PPP1R9A: variants seen among roughly 807,000 people sequenced by gnomAD.
The protein encoded by PPP1R9A is protein phosphatase 1 regulatory subunit 9A.
In PPP1R9A, 59 loss-of-function variants were observed where a neutral mutation model predicts 141.9. The ratio of observed to expected loss-of-function variants is 0.42; its 90% CI spans 0.34 to 0.52. PPP1R9A has a LOEUF of 0.52. Among genes scored for constraint, PPP1R9A ranks in the 20% least tolerant of loss-of-function variants. The pLI, the probability that PPP1R9A is intolerant of heterozygous loss-of-function variation, is 0.10. For synonymous variants in PPP1R9A, 500 were observed against 569.7 expected, an observed-to-expected ratio of 0.88 and a Z score of 1.74; for missense variants, 1,444 against 1,611.9, an observed-to-expected ratio of 0.90 and a Z score of 1.78.
chr7:95,203,619 C>G, intron 6 of PPP1R9A, 46 bp from the exon 7 acceptor site: 1 of 1,392,828 alleles, frequency 7.2e-7, no homozygotes, highest in Non-Finnish European at 9.8e-7. Context: ...CTGCTCTCTG[C>G]GGTGGGGGTT....
At chr7:95,165,721 G>A (rs961596708) in intron 5 of PPP1R9A, among the ~76,000 whole-genome samples, 4 of 152,206 alleles carry the variant, frequency 2.6e-5, no homozygotes, top group Non-Finnish European at 5.9e-5. Context: ...GGACTGGACT[G>A]TTAGTGAGGC....
In PPP1R9A at chr7:95,088,007, G is replaced by C. The variant is rs1049163974; in HGVS notation, c.1396-23252G>C. On this transcript the variant is annotated intron_variant, in intron 2 of 19. Coordinates refer to ENST00000433360, the MANE Select transcript of PPP1R9A (RefSeq NM_001166160.2). Reference sequence around the variant, plus strand: ...GAGATACCAGTAAGAGTGTGTCAGAGAGAAGATGGGAAATAAGAATTTTAA... The same window carrying C: ...GAGATACCAGTAAGAGTGTGTCAGACAGAAGATGGGAAATAAGAATTTTAA... 2.6e-5 allele frequency among the ~76,000 whole-genome samples: 4 copies of C among 151,760 alleles called. No individual in the cohort carries two copies. The South Asian group carries it at 6.2e-4, about 24-fold the overall frequency.
At chr7:95,272,293 T>C (rs1802332375) in intron 14 of PPP1R9A, among the ~76,000 whole-genome samples, 1 of 152,218 alleles carries the variant, frequency 6.6e-6, no homozygotes, top group African/African-American at 2.4e-5. Context: ...TCTGGAAGAA[T>C]TTGGCACTTT....
chr7:94,998,739 A>G (rs1269845408), intron 2 of PPP1R9A, among the ~76,000 whole-genome samples: 1 of 152,162 alleles, frequency 6.6e-6, no homozygotes, highest in Non-Finnish European at 1.5e-5. Flanking sequence ...CAAAAACTGT[A>G]TGAAGATGGC....
rs896584705 is a variant in PPP1R9A, at chr7:95,208,641, A to G, written c.1956+4911A>G. On this transcript the variant is annotated intron_variant, in intron 7 of 19. Transcript: ENST00000433360. ...TGGGAGGCTGAGGCAGGAGAATGGC[A>G]TGAACCTGGGAGGCAGAGCTTGCAG... Among the ~76,000 whole-genome samples, 11 of 151,786 alleles carry G rather than the reference A, an allele frequency of 7.2e-5. 1 individual carries two copies. Among genetic ancestry groups the G allele is most frequent in the South Asian group, 4.2e-4 (2 of 4,798 alleles).
intron 2 of PPP1R9A, among the ~76,000 whole-genome samples, chr7:94,956,880 C>A (rs10261753): frequency 0.61 from 92,056 of 151,988 alleles, 28,740 homozygotes; most frequent in East Asian, 1. Flanking sequence ...GTTTGGATTC[C>A]GAATTTTCAT....
At chr7:95,227,179 T>A (rs1258065716) in intron 8 of PPP1R9A, among the ~76,000 whole-genome samples, 1 of 152,210 alleles carries the variant, frequency 6.6e-6, no homozygotes, top group African/African-American at 2.4e-5. Flanking sequence ...AGTAGGTAGA[T>A]GACTTGTTCT....
intron 5 of PPP1R9A, among the ~76,000 whole-genome samples, chr7:95,163,876 T>C (rs1446019576): frequency 3.9e-5 from 6 of 152,116 alleles, no homozygotes; most frequent in Non-Finnish European, 8.8e-5. Flanking sequence ...AGTAGCTGGA[T>C]TACAGGCATC....
At chr7:95,101,586 T>C (rs1030474233) in intron 2 of PPP1R9A, among the ~76,000 whole-genome samples, 9 of 152,140 alleles carry the variant, frequency 5.9e-5, no homozygotes, top group Middle Eastern at 3.2e-3. Context: ...CCAGAACCCA[T>C]TGGCGAGAAT....
chr7:95,055,052 T>A (rs930498023), intron 2 of PPP1R9A, among the ~76,000 whole-genome samples: 2 of 152,200 alleles, frequency 1.3e-5, no homozygotes, highest in African/African-American at 4.8e-5. Context: ...GAGAAATCTA[T>A]GTATTGGATT....
chr7:95,118,167 C>T (rs1433917760), intron 3 of PPP1R9A, among the ~76,000 whole-genome samples: 2 of 152,184 alleles, frequency 1.3e-5, no homozygotes, highest in Non-Finnish European at 1.5e-5. Flanking sequence ...CTTCAGCACA[C>T]ATCTAACCTT....
intron 4 of PPP1R9A, among the ~76,000 whole-genome samples, chr7:95,132,958 A>T (rs968132449): frequency 1.1e-4 from 17 of 152,110 alleles, no homozygotes; most frequent in Non-Finnish European, 2.1e-4. Context: ...CGTGTTACAG[A>T]TCGTTTGCTC....
At chr7:95,105,033 A>G (rs1819316947) in intron 2 of PPP1R9A, among the ~76,000 whole-genome samples, 1 of 152,170 alleles carries the variant, frequency 6.6e-6, no homozygotes, top group African/African-American at 2.4e-5. Flanking sequence ...TTCATCTTTG[A>G]TGTGTCAGGA....
intron 2 of PPP1R9A, among the ~76,000 whole-genome samples, chr7:95,046,335 C>T (rs1033326101): frequency 6.6e-6 from 1 of 152,066 alleles, no homozygotes; most frequent in Non-Finnish European, 1.5e-5. Flanking sequence ...TTCAAGTGAT[C>T]CATCTGCCTC....
intron 2 of PPP1R9A, among the ~76,000 whole-genome samples, chr7:94,942,804 A>AATAG (rs909138938): frequency 1.8e-3 from 3 of 1,666 alleles, no homozygotes; most frequent in Non-Finnish European, 2.8e-3. Context: ...ACTGTCTCTC[A>AATAG]ATAAATAAAT....
intron 2 of PPP1R9A, among the ~76,000 whole-genome samples, chr7:94,951,206 A>C (rs1211402660): frequency 6.6e-6 from 1 of 152,108 alleles, no homozygotes; most frequent in African/African-American, 2.4e-5. Flanking sequence ...AGAAAAGAAA[A>C]AAAAATGCTT....
chr7:94,979,925 G>A (rs1799885113), intron 2 of PPP1R9A, among the ~76,000 whole-genome samples: 1 of 151,880 alleles, frequency 6.6e-6, no homozygotes, highest in African/African-American at 2.4e-5. Context: ...TGGTTTTGGG[G>A]TACCTTTTTA....
chr7:95,111,098 C>T (rs1820472190), intron 2 of PPP1R9A, among the ~76,000 whole-genome samples, 161 bp from the exon 3 acceptor site: 1 of 152,154 alleles, frequency 6.6e-6, no homozygotes, highest in African/African-American at 2.4e-5. Context: ...TACTTTTATA[C>T]TGACTCAATT....
At position 94,910,125 on chromosome 7, in the gene PPP1R9A, T is replaced by C; in HGVS notation, c.12T>C (p.Thr4=). The change falls in exon 2 of 20, where the codon ACT becomes ACC. Residue 4 remains threonine (T), a synonymous_variant. Coordinates refer to ENST00000433360, the MANE Select transcript of PPP1R9A (RefSeq NM_001166160.2). This position sits in a 1 kb window ranked among gnomAD's most constrained non-coding sequence, Gnocchi z 4.5. ...CCCCTGAAGTGAAAATGTTGAAAACTGAGTCTTCAGGTGAACGAACCACTC... is the reference window on the plus strand; with the variant it reads ...CCCCTGAAGTGAAAATGTTGAAAACCGAGTCTTCAGGTGAACGAACCACTC... MLK[T]ESSGERTTLR... is the part of the protein sequence containing the mutation. 6.2e-7 allele frequency: 1 copy of C among 1,602,388 alleles called. No homozygotes were observed. The highest frequency in any genetic ancestry group is 8.5e-7 in the Non-Finnish European group (1 of 1,174,710).
Sources: allele counts gnomAD v4.1 joint callset (sites outside exome capture counted in the v4.1 genomes callset), GRCh38; gene constraint gnomAD v4.1.1; non-coding constraint Gnocchi (gnomAD v3.1); transcripts MANE v1.5; gene names NCBI Gene and HGNC (gene_info 2026-07-23, HGNC 2026-07-21).